VPS13C: variants seen among roughly 807,000 people sequenced by gnomAD.
VPS13C encodes the protein vacuolar protein sorting 13 homolog C.
In VPS13C, 358 loss-of-function variants were observed where a neutral mutation model predicts 456.8. The observed-to-expected ratio is 0.78, with a 90% CI of 0.72 to 0.86. The LOEUF is 0.86. Ranked by LOEUF, VPS13C falls within the 40% of genes least tolerant of loss-of-function variation. The pLI is 0.00. For missense variants in VPS13C, 4,818 were observed against 4,385.4 expected (o/e 1.10, Z -2.79); for synonymous variants, 1,578 against 1,486.7 (o/e 1.06, Z -1.41).
intron 1 of VPS13C, among the ~76,000 whole-genome samples, chr15:62,048,292 C>G (rs1447803479): frequency 1.5e-5 from 2 of 129,776 alleles, no homozygotes; most frequent in Admixed American, 1.7e-4. Flanking sequence ...GATGATGTTC[C>G]CCTTCCTGTG....
In VPS13C at chr15:61,950,390, T is replaced by C; in HGVS notation, c.4564A>G (p.Thr1522Ala). The change falls in exon 41 of 85, where the codon ACT becomes GCT. Residue 1522 changes from threonine (T) to alanine (A), a missense_variant. By Grantham distance (58) the Thr-to-Ala change is moderately conservative. This residue lies in a region of VPS13C where 4,552 missense variants were observed against 4,130.6 expected (regional missense o/e 1.10). Coordinates refer to ENST00000644861, the MANE Select transcript of VPS13C (RefSeq NM_020821.3). The part of the protein sequence containing the change: ...KADSDGPEFK[T>A]IHDSTKQRLK... ...CTCTGTTTGGTACTGTCATGAATAG[T>C]TTTAAATTCTGGTCCATCACTGTCT... 6.2e-7 allele frequency: 1 copy of C among 1,612,242 alleles called. No individual in the cohort carries two copies. Among genetic ancestry groups the C allele is most frequent in the East Asian group, 2.2e-5 (1 of 44,708 alleles).
At chr15:61,859,458 G>A (rs1894105335) in intron 82 of VPS13C, among the ~76,000 whole-genome samples, 1 of 152,140 alleles carries the variant, frequency 6.6e-6, no homozygotes, top group African/African-American at 2.4e-5. Context: ...CTTATGAGCT[G>A]CTACCTATGA....
chr15:61,991,855 T>C, intron 16 of VPS13C, 53 bp from the exon 17 acceptor site: 1 of 1,570,728 alleles, frequency 6.4e-7, no homozygotes, highest in South Asian at 1.2e-5. Context: ...CTCTTCATTT[T>C]CAGGTGTAGC....
chr15:61,978,723 C>T lies in VPS13C; in HGVS notation c.2193G>A (p.Gln731=). The change falls in exon 23 of 85, where the codon CAG becomes CAA. Residue 731 remains glutamine (Q), a synonymous_variant. Transcript: ENST00000644861. ...CTTCCAGAGATGAATTAGTAGTCTT[C>T]TGTAAACCTTGATCTTTACTGTTGA... ...FQLNSKDQGL[Q]KTTNSSLEEI... 6.2e-7 allele frequency: 1 copy of T among 1,607,616 alleles called. No homozygotes were observed. Among genetic ancestry groups the T allele is most frequent in the Non-Finnish European group, 8.5e-7 (1 of 1,177,786 alleles).
chr15:61,891,336 C>T (rs995119115), intron 66 of VPS13C, among the ~76,000 whole-genome samples: 5 of 152,042 alleles, frequency 3.3e-5, no homozygotes, highest in Admixed American at 3.3e-4. Context: ...AAAACAAAAA[C>T]AACTGAAGTT....
At chr15:61,984,169 A>G (rs1254307872) in intron 19 of VPS13C, among the ~76,000 whole-genome samples, 157 bp from the exon 20 acceptor site, 2 of 152,230 alleles carry the variant, frequency 1.3e-5, no homozygotes, top group Non-Finnish European at 1.5e-5. Flanking sequence ...CAGGCATTCA[A>G]TTGCTCACAC....
At chr15:61,905,903 T>C (rs538898971) in intron 66 of VPS13C, among the ~76,000 whole-genome samples, 20 of 152,286 alleles carry the variant, frequency 1.3e-4, no homozygotes, top group African/African-American at 4.8e-4. Flanking sequence ...TTATTTCACC[T>C]TGCTTTCTCT....
chr15:61,930,382 G>T (rs2140220400), intron 50 of VPS13C, among the ~76,000 whole-genome samples: 1 of 152,094 alleles, frequency 6.6e-6, no homozygotes, highest in East Asian at 1.9e-4. Flanking sequence ...AGAAAAGCTG[G>T]GTGCATGACA....
At chr15:61,910,380 T>G in intron 63 of VPS13C, 75 bp from the exon 64 acceptor site, 6 of 1,166,494 alleles carry the variant, frequency 5.1e-6, no homozygotes, top group Non-Finnish European at 6.6e-6. Context: ...CTAATTAAAT[T>G]TTCAATTCTG....
chr15:61,924,020 T>C (rs1339855102), intron 53 of VPS13C, among the ~76,000 whole-genome samples: 1 of 150,194 alleles, frequency 6.7e-6, no homozygotes, highest in Admixed American at 6.6e-5. Context: ...CGCCCGCCAC[T>C]ACGCCCGGCT....
chr15:61,911,965 G>C lies in VPS13C; in HGVS notation c.8590C>G (p.Arg2864Gly), dbSNP rs751495707. 5.6e-6 allele frequency: 9 copies of C among 1,610,518 alleles called. No homozygotes were observed. Among genetic ancestry groups the C allele is most frequent in the Non-Finnish European group, 7.6e-6 (9 of 1,178,242 alleles). Residue 2864 changes from arginine (R) to glycine (G), a missense_variant, in exon 63 of 85, where the codon CGA (arginine) becomes GGA (glycine). By Grantham distance (125) the Arg-to-Gly change is moderately radical. This residue lies in a region of VPS13C where 4,552 missense variants were observed against 4,130.6 expected (regional missense o/e 1.10). Coordinates refer to ENST00000644861, the MANE Select transcript of VPS13C (RefSeq NM_020821.3). The stretch of plus-strand genomic sequence containing the variant: ...CAAAAGGGAGTCAGGGTAACTATTC[G>C]TGAAAGGTTGAAACTGCTCATTTTG... ...SIKMSSFNLSRIVTLTPFCTI... is the reference protein window; with the variant it reads ...SIKMSSFNLSGIVTLTPFCTI...
Position 61,858,570 on chromosome 15 carries a change from C to A in VPS13C, c.10953-2161G>T, listed in dbSNP as rs1894054683. Among the ~76,000 whole-genome samples, 3 of 152,106 alleles carry A rather than the reference C, an allele frequency of 2.0e-5. No individual in the cohort carries two copies. Among genetic ancestry groups the A allele is most frequent in the Non-Finnish European group, 2.9e-5 (2 of 68,030 alleles). ...CCCTGGTATATATCTCTGTATAGTG[C>A]CCTGGACTTTGAATATAATGGATTT... On this transcript the variant is annotated intron_variant, in intron 82 of 84. Transcript: ENST00000644861. The surrounding 1 kb of genome is among the most constrained non-coding windows in gnomAD (Gnocchi z 4.4).
At position 61,949,554 on chromosome 15, in the gene VPS13C, A is replaced by C. The variant is rs1187466574; in HGVS notation, c.4648T>G (p.Phe1550Val). ...GCAGCAGATGATAAAAAATCCATGA[A>C]GGAAAGTAAAGCTTCCAAATGAAGT... The part of the protein sequence containing the change: ...LVLHLEALLS[F>V]MDFLSSAAPF... The change falls in exon 42 of 85, where the codon TTC becomes GTC. Residue 1550 changes from phenylalanine (F) to valine (V), a missense_variant. Physicochemically the swap from Phe to Val is conservative, Grantham distance 50. This residue lies in a region of VPS13C where 4,552 missense variants were observed against 4,130.6 expected (regional missense o/e 1.10). Coordinates refer to ENST00000644861, the MANE Select transcript of VPS13C (RefSeq NM_020821.3). The C allele has an allele frequency of 6.2e-7, 1 of 1,612,534 alleles. No homozygotes were observed. The highest frequency in any genetic ancestry group is 1.7e-5 in the Admixed American group (1 of 59,634).
chr15:61,856,175 G>T, intron 83 of VPS13C, 111 bp downstream of exon 83: 2 of 1,277,896 alleles, frequency 1.6e-6, no homozygotes, highest in Non-Finnish European at 2.2e-6. Flanking sequence ...TCACATCTCA[G>T]CATATAGTAG....
intron 9 of VPS13C, 86 bp downstream of exon 9, chr15:62,020,393 C>T: frequency 1.8e-6 from 2 of 1,140,320 alleles, no homozygotes; most frequent in South Asian, 3.7e-5. Context: ...TTCTTTGTCG[C>T]ATAGTTGATT....
intron 7 of VPS13C, 125 bp downstream of exon 7, chr15:62,023,654 GC>G (rs1235591334): frequency 9.0e-7 from 1 of 1,115,628 alleles, no homozygotes; most frequent in Non-Finnish European, 1.3e-6. Flanking sequence ...ATTTTAATAT[GC>G]ATTTCCAACT....
chr15:61,971,541 G>A (rs939364264), intron 27 of VPS13C, among the ~76,000 whole-genome samples: 6 of 152,268 alleles, frequency 3.9e-5, no homozygotes, highest in East Asian at 1.9e-4. Context: ...GATTACAGGC[G>A]TGAGCCACCA....
At chr15:62,015,396 T>G (rs958543080) in intron 9 of VPS13C, among the ~76,000 whole-genome samples, 11 of 152,076 alleles carry the variant, frequency 7.2e-5, no homozygotes, top group Non-Finnish European at 1.2e-4. Context: ...TTGTTGCCAT[T>G]GCTTTTGGTG....
At chr15:61,978,284 A>T (rs1047221858) in intron 23 of VPS13C, among the ~76,000 whole-genome samples, 2 of 152,106 alleles carry the variant, frequency 1.3e-5, no homozygotes, top group African/African-American at 4.8e-5. Flanking sequence ...AATAATATTG[A>T]GTCATCCCAA....
Sources: gnomAD v4.1 joint callset for allele counts (sites outside exome capture counted in the v4.1 genomes callset) on GRCh38, gnomAD v4.1.1 for gene constraint, gnomAD v4.1.1 regional missense constraint, Gnocchi (gnomAD v3.1) non-coding constraint, MANE v1.5 for transcripts, NCBI Gene and HGNC (gene_info 2026-07-23, HGNC 2026-07-21) for gene names.